The following NCALD variants were observed in gnomAD, a reference collection of about 807,000 sequenced individuals.
NCALD encodes the protein neurocalcin-delta.
A neutral mutation model predicts 18.6 loss-of-function variants in NCALD; 10 were observed. The ratio of observed to expected loss-of-function variants is 0.54; its 90% CI spans 0.33 to 0.91. NCALD has a LOEUF of 0.91. NCALD is among the 40% of genes least tolerant of loss of function. NCALD has a pLI of 0.03. For synonymous variants in NCALD, 88 were observed against 87.4 expected, an observed-to-expected ratio of 1.01 and a Z score of -0.04; for missense variants, 184 against 247.6, an observed-to-expected ratio of 0.74 and a Z score of 1.72.
intron 2 of NCALD, among the ~76,000 whole-genome samples, chr8:101,935,655 G>T (rs1818733064): frequency 6.6e-6 from 1 of 152,096 alleles, no homozygotes; most frequent in African/African-American, 2.4e-5. Context: ...CAGTGGGGAG[G>T]TAATTCTGAG....
intron 1 of NCALD, among the ~76,000 whole-genome samples, chr8:102,052,187 G>C (rs905761098): frequency 6.6e-6 from 1 of 152,106 alleles, no homozygotes; most frequent in African/African-American, 2.4e-5. Flanking sequence ...TTAAGGAAAG[G>C]CTTCTTAGTT....
chr8:101,739,119 G>A (rs751568364), intron 1 of NCALD, among the ~76,000 whole-genome samples: 1 of 151,616 alleles, frequency 6.6e-6, no homozygotes, highest in African/African-American at 2.4e-5. Context: ...ATATCTTCAC[G>A]GCTTGAATAT....
chr8:101,719,925 G>A lies in NCALD; in HGVS notation c.-19-277C>T, dbSNP rs118060468. On this transcript the variant is annotated intron_variant, in intron 1 of 3. Transcript: ENST00000220931. ...TGAAAGCAAAAGGTTCAGAGAGAGC[G>A]TGAGGTAGAGGGAAATGAGGGCAGG... is the stretch of plus-strand genomic sequence containing the variant. Among the ~76,000 whole-genome samples, 595 of 152,298 alleles carry A rather than the reference G, an allele frequency of 3.9e-3. 4 individuals are homozygous for A. The East Asian group carries it at 0.049, about 12-fold the overall frequency.
intron 1 of NCALD, among the ~76,000 whole-genome samples, chr8:101,744,086 G>A (rs1810326478): frequency 6.6e-6 from 1 of 152,234 alleles, no homozygotes. Context: ...GACAGATCAA[G>A]GCTCAGGCCC....
At chr8:102,104,414 A>G (rs1489333847) in intron 1 of NCALD, among the ~76,000 whole-genome samples, 2 of 151,994 alleles carry the variant, frequency 1.3e-5, no homozygotes, top group Non-Finnish European at 2.9e-5. Context: ...GTAAAGACAA[A>G]ACCATCCTGT....
At chr8:102,090,251 G>A (rs371673998) in intron 1 of NCALD, among the ~76,000 whole-genome samples, 2 of 152,160 alleles carry the variant, frequency 1.3e-5, no homozygotes, top group African/African-American at 4.8e-5. Context: ...AGTTATAATT[G>A]TTATGTGAAA....
intron 2 of NCALD, among the ~76,000 whole-genome samples, chr8:102,009,810 CAA>C (rs1272206027): frequency 6.6e-6 from 1 of 152,184 alleles, no homozygotes; most frequent in African/African-American, 2.4e-5. Flanking sequence ...TGATTCAGGT[CAA>C]GTCTTTCATG....
chr8:101,917,157 T>C (rs1817998068), intron 2 of NCALD, among the ~76,000 whole-genome samples: 1 of 152,082 alleles, frequency 6.6e-6, no homozygotes, highest in South Asian at 2.1e-4. Context: ...ACTCTCAGAT[T>C]ATAGTGCAAT....
chr8:101,714,521 T>C (rs1050569039), intron 2 of NCALD, among the ~76,000 whole-genome samples: 3 of 152,224 alleles, frequency 2.0e-5, no homozygotes, highest in African/African-American at 7.2e-5. Context: ...AAACATTCCA[T>C]GCTCATGGTA....
intron 3 of NCALD, among the ~76,000 whole-genome samples, chr8:101,900,410 C>T (rs1563876768): frequency 6.6e-6 from 1 of 151,584 alleles, no homozygotes; most frequent in African/African-American, 2.4e-5. Flanking sequence ...TTTCTAGTTT[C>T]TTAAAAAACT....
chr8:101,952,689 G>A (rs1180112371), intron 2 of NCALD, among the ~76,000 whole-genome samples: 1 of 152,222 alleles, frequency 6.6e-6, no homozygotes, highest in Non-Finnish European at 1.5e-5. Context: ...CAGCTAAGGA[G>A]AAAGATAGAA....
At chr8:101,845,876 T>C (rs1268888540) in intron 4 of NCALD, among the ~76,000 whole-genome samples, 1 of 152,160 alleles carries the variant, frequency 6.6e-6, no homozygotes, top group Non-Finnish European at 1.5e-5. Flanking sequence ...GCCATTCCAC[T>C]CTCTACCTTC....
chr8:102,093,714 G>A (rs970393477), intron 1 of NCALD, among the ~76,000 whole-genome samples: 12 of 152,110 alleles, frequency 7.9e-5, no homozygotes, highest in African/African-American at 2.7e-4. Flanking sequence ...AGTTTCCTGG[G>A]TCCCCAGTGA....
intron 4 of NCALD, among the ~76,000 whole-genome samples, chr8:101,801,944 G>A (rs887840335): frequency 1.3e-5 from 2 of 151,966 alleles, no homozygotes; most frequent in African/African-American, 4.8e-5. Flanking sequence ...GGGATTACAG[G>A]CGTGAACCAC....
intron 2 of NCALD, among the ~76,000 whole-genome samples, chr8:102,000,056 G>A (rs1246402008): frequency 3.9e-5 from 6 of 152,200 alleles, no homozygotes; most frequent in South Asian, 2.1e-4. Context: ...TGGGTCCAGC[G>A]CACCGAGCGT....
intron 2 of NCALD, among the ~76,000 whole-genome samples, chr8:101,944,147 G>C (rs1404992887): frequency 6.6e-6 from 1 of 152,164 alleles, no homozygotes. Context: ...AGCCATGCAA[G>C]GTGGCTTCCA....
At chr8:101,882,638 G>A (rs1267680644) in intron 4 of NCALD, among the ~76,000 whole-genome samples, 2 of 152,178 alleles carry the variant, frequency 1.3e-5, no homozygotes, top group Non-Finnish European at 2.9e-5. Context: ...GAAACAAGGA[G>A]GTTCCTGAAG....
In NCALD at chr8:101,955,259, G is replaced by T. The variant is rs190953562; in HGVS notation, c.-156-39401C>A. Reference sequence around the variant, plus strand: ...TTTATATTTTAGAAGGGGGGAGGACGTTGGCCCTAGGGAAACAAAAGGGAA... The same window carrying T: ...TTTATATTTTAGAAGGGGGGAGGACTTTGGCCCTAGGGAAACAAAAGGGAA... On this transcript the variant is annotated intron_variant, in intron 2 of 6. Coordinates refer to the NCALD transcript ENST00000311028. Among the ~76,000 whole-genome samples, 225 of 152,340 alleles carry T rather than the reference G, an allele frequency of 1.5e-3. 1 individual carries two copies. The highest frequency in any genetic ancestry group is 1.5e-3 in the Non-Finnish European group (105 of 68,028).
chr8:101,949,609 A>G (rs764004342), intron 2 of NCALD, among the ~76,000 whole-genome samples: 3 of 152,162 alleles, frequency 2.0e-5, no homozygotes, highest in Non-Finnish European at 2.9e-5. Flanking sequence ...ACAGCTGATC[A>G]AACTCTCAGT....
Sources: allele counts gnomAD v4.1 joint callset (sites outside exome capture counted in the v4.1 genomes callset), GRCh38; gene constraint gnomAD v4.1.1; transcripts MANE v1.5; gene names NCBI Gene and HGNC (gene_info 2026-07-23, HGNC 2026-07-21).